Variants in PPP1R9A observed in about 807,000 individuals in gnomAD.
PPP1R9A encodes the protein protein phosphatase 1 regulatory subunit 9A.
PPP1R9A carries 59 observed loss-of-function variants against 141.9 expected under a neutral mutation model. The observed-to-expected ratio is 0.42, with a 90% CI of 0.34 to 0.52. PPP1R9A has a LOEUF of 0.52. PPP1R9A is among the 20% of genes least tolerant of loss of function. PPP1R9A has a pLI of 0.10. For synonymous variants in PPP1R9A, 500 were observed against 569.7 expected (o/e 0.88, Z 1.74); for missense variants, 1,444 against 1,611.9 (o/e 0.90, Z 1.78).
At chr7:95,282,887 G>T (rs1804543236) in intron 16 of PPP1R9A, among the ~76,000 whole-genome samples, 1 of 152,110 alleles carries the variant, frequency 6.6e-6, no homozygotes, top group African/African-American at 2.4e-5. Context: ...AAATAAATGG[G>T]AATTGTTAGG....
intron 2 of PPP1R9A, among the ~76,000 whole-genome samples, chr7:95,090,659 T>A (rs1168926868): frequency 2.0e-5 from 3 of 151,704 alleles, no homozygotes. Flanking sequence ...AATGCACAAA[T>A]TAGCCAGGTG....
chr7:94,920,115 A>G (rs1292370274), intron 2 of PPP1R9A, among the ~76,000 whole-genome samples: 3 of 152,212 alleles, frequency 2.0e-5, no homozygotes, highest in Admixed American at 6.5e-5. Context: ...ATAATTCTAT[A>G]GATTATAGTA....
chr7:95,163,543 A>G (rs1029181724), intron 5 of PPP1R9A, among the ~76,000 whole-genome samples: 1 of 152,174 alleles, frequency 6.6e-6, no homozygotes, highest in African/African-American at 2.4e-5. Flanking sequence ...TTTGCATTAT[A>G]TACTTAGTAG....
chr7:94,917,845 G>T (rs1792289805), intron 2 of PPP1R9A, among the ~76,000 whole-genome samples: 1 of 152,164 alleles, frequency 6.6e-6, no homozygotes, highest in South Asian at 2.1e-4. Context: ...TGTTATCCAT[G>T]TGTCGTTTAC....
At chr7:95,059,699 T>G (rs1429283429) in intron 2 of PPP1R9A, among the ~76,000 whole-genome samples, 1 of 152,192 alleles carries the variant, frequency 6.6e-6, no homozygotes, top group Non-Finnish European at 1.5e-5. Flanking sequence ...AGTGTGACTT[T>G]GAAGGACAAA....
chr7:95,237,599 A>C (rs998472954), intron 8 of PPP1R9A, among the ~76,000 whole-genome samples: 2 of 152,150 alleles, frequency 1.3e-5, no homozygotes, highest in Non-Finnish European at 2.9e-5. Context: ...AATCTGAAAA[A>C]GCATATATTA....
intron 12 of PPP1R9A, among the ~76,000 whole-genome samples, chr7:95,267,875 A>G (rs1461466595): frequency 6.6e-6 from 1 of 152,142 alleles, no homozygotes; most frequent in African/African-American, 2.4e-5. Flanking sequence ...CTAGTAAACT[A>G]AGTACTTACG....
At chr7:95,074,847 TC>T (rs1483293241) in intron 2 of PPP1R9A, among the ~76,000 whole-genome samples, 1 of 152,172 alleles carries the variant, frequency 6.6e-6, no homozygotes, top group African/African-American at 2.4e-5. Flanking sequence ...GCTTTTCTCC[TC>T]CTACTCTCTC....
chr7:95,276,324 A>G (rs1274746519), intron 16 of PPP1R9A, among the ~76,000 whole-genome samples: 3 of 152,152 alleles, frequency 2.0e-5, no homozygotes, highest in Non-Finnish European at 4.4e-5. Flanking sequence ...CACAAATGAA[A>G]GTCAAGCCAA....
intron 4 of PPP1R9A, among the ~76,000 whole-genome samples, chr7:95,140,589 C>G (rs1421982682): frequency 1.3e-5 from 2 of 152,114 alleles, no homozygotes; most frequent in African/African-American, 4.8e-5. Context: ...CGGGGTTTTG[C>G]CATGTTGGCC....
At chr7:95,047,949 T>C (rs1187275038) in intron 2 of PPP1R9A, among the ~76,000 whole-genome samples, 1 of 152,200 alleles carries the variant, frequency 6.6e-6, no homozygotes, top group Non-Finnish European at 1.5e-5. Context: ...TTAGACAGAA[T>C]TCAGTTTTAT....
At chr7:95,100,517 A>G (rs1441027893) in intron 2 of PPP1R9A, among the ~76,000 whole-genome samples, 2 of 152,286 alleles carry the variant, frequency 1.3e-5, no homozygotes, top group African/African-American at 2.4e-5. Context: ...TCTGAAGACT[A>G]TTTTGCTCAC....
At chr7:95,238,278 C>T (rs1796980764) in intron 8 of PPP1R9A, among the ~76,000 whole-genome samples, 1 of 152,126 alleles carries the variant, frequency 6.6e-6, no homozygotes, top group Non-Finnish European at 1.5e-5. Context: ...TGTTAATTCA[C>T]TATTATCTCT....
At chr7:94,997,286 T>A (rs1390977429) in intron 2 of PPP1R9A, among the ~76,000 whole-genome samples, 7 of 152,168 alleles carry the variant, frequency 4.6e-5, no homozygotes, top group Non-Finnish European at 1.0e-4. Flanking sequence ...AGTCTCTTTT[T>A]TTCACCCATT....
At chr7:95,132,053 T>G (rs2152530198) in intron 4 of PPP1R9A, among the ~76,000 whole-genome samples, 1 of 152,358 alleles carries the variant, frequency 6.6e-6, no homozygotes, top group Admixed American at 6.5e-5. Context: ...CTCTTAAAAC[T>G]TTCCTGAAGT....
intron 2 of PPP1R9A, among the ~76,000 whole-genome samples, chr7:95,026,137 C>G (rs1161072230): frequency 6.6e-6 from 1 of 152,114 alleles, no homozygotes; most frequent in African/African-American, 2.4e-5. Context: ...GAGTTGTGAT[C>G]CTTTGGAGGA....
At position 94,987,755 on chromosome 7, in the gene PPP1R9A, CTT is replaced by C. The variant is rs1395380524; in HGVS notation, c.1395+76248_1395+76249del. ...TTTTTTAACTTTAAAAAGATGTTCT[CTT>C]CTTTTGAAAACATGTTTAGAATAGT... On this transcript the variant is annotated intron_variant, in intron 2 of 19. Coordinates refer to ENST00000433360, the MANE Select transcript of PPP1R9A (RefSeq NM_001166160.2). Among the ~76,000 whole-genome samples, 3 of 152,184 alleles carry C rather than the reference CTT, an allele frequency of 2.0e-5. No homozygotes were observed. The South Asian group carries it at 6.2e-4, about 32-fold the overall frequency.
chr7:95,004,721 A>C (rs1803371092), intron 2 of PPP1R9A, among the ~76,000 whole-genome samples: 1 of 152,170 alleles, frequency 6.6e-6, no homozygotes, highest in African/African-American at 2.4e-5. Flanking sequence ...TAGATACCGT[A>C]TACTGTGGTA....
chr7:95,076,735 T>C (rs545757356), intron 2 of PPP1R9A, among the ~76,000 whole-genome samples: 2 of 152,214 alleles, frequency 1.3e-5, no homozygotes, highest in East Asian at 3.9e-4. Flanking sequence ...TCAGTAGGAC[T>C]TAATACCTTA....
Sources: gnomAD v4.1 joint callset for allele counts (sites outside exome capture counted in the v4.1 genomes callset) on GRCh38, gnomAD v4.1.1 for gene constraint, MANE v1.5 for transcripts, NCBI Gene and HGNC (gene_info 2026-07-23, HGNC 2026-07-21) for gene names.